Variants in CNTN5 observed in about 807,000 individuals in gnomAD.
The protein encoded by CNTN5 is contactin-5.
Under a neutral mutation model 129.1 loss-of-function variants are expected in CNTN5, and 77 were observed. The ratio of observed to expected loss-of-function variants is 0.60; its 90% CI spans 0.50 to 0.72. CNTN5 has a LOEUF of 0.72. CNTN5 is among the 30% of genes least tolerant of loss of function. CNTN5 has a pLI of 0.00. For missense variants in CNTN5, 1,478 were observed against 1,328.8 expected, an observed-to-expected ratio of 1.11 and a Z score of -1.75; for synonymous variants, 509 against 465.6, an observed-to-expected ratio of 1.09 and a Z score of -1.20.
intron 1 of CNTN5, among the ~76,000 whole-genome samples, chr11:99,061,096 G>A (rs1296503982): frequency 2.0e-5 from 3 of 151,696 alleles, no homozygotes; most frequent in Non-Finnish European, 4.4e-5. Flanking sequence ...TAAATTCTTT[G>A]GGAATTGTCC....
At chr11:99,693,760 G>A (rs1240088973) in intron 3 of CNTN5, among the ~76,000 whole-genome samples, 2 of 152,090 alleles carry the variant, frequency 1.3e-5, no homozygotes, top group South Asian at 2.1e-4. Flanking sequence ...ATAATGTGAC[G>A]TGTATGTTTT....
At chr11:99,711,556 C>T (rs564183127) in intron 3 of CNTN5, among the ~76,000 whole-genome samples, 2 of 151,860 alleles carry the variant, frequency 1.3e-5, no homozygotes, top group African/African-American at 4.8e-5. Flanking sequence ...TAGGTATACA[C>T]GTGTCATGGT....
At chr11:100,101,658 G>A (rs78651711) in intron 13 of CNTN5, among the ~76,000 whole-genome samples, 7,762 of 151,906 alleles carry the variant, frequency 0.051, 295 homozygotes, top group African/African-American at 0.11. Flanking sequence ...GGTGATTTCC[G>A]AGATTTTGGT....
intron 1 of CNTN5, among the ~76,000 whole-genome samples, chr11:99,152,510 T>C (rs926083169): frequency 1.3e-5 from 2 of 152,232 alleles, no homozygotes; most frequent in Non-Finnish European, 2.9e-5. Flanking sequence ...TTTTTCTCCA[T>C]CCCTTTACTT....
At chr11:99,638,586 G>A (rs1171389008) in intron 3 of CNTN5, among the ~76,000 whole-genome samples, 1 of 152,134 alleles carries the variant, frequency 6.6e-6, no homozygotes, top group Non-Finnish European at 1.5e-5. Flanking sequence ...ATACAATGGT[G>A]GTACAGGCAA....
At chr11:99,566,179 T>A (rs1156553307) in intron 3 of CNTN5, among the ~76,000 whole-genome samples, 2 of 152,094 alleles carry the variant, frequency 1.3e-5, no homozygotes, top group Admixed American at 1.3e-4. Flanking sequence ...ATGGGTGAGT[T>A]CTCACTCCGA....
At chr11:99,744,525 C>A in intron 3 of CNTN5, among the ~76,000 whole-genome samples, 1 of 117,568 alleles carries the variant, frequency 8.5e-6, no homozygotes. Context: ...ATAGCAAAAC[C>A]CCGTCTCTAC....
chr11:99,790,434 G>T (rs940195222), intron 3 of CNTN5, among the ~76,000 whole-genome samples: 2 of 151,924 alleles, frequency 1.3e-5, no homozygotes, highest in African/African-American at 4.8e-5. Context: ...TTGGTTTTCT[G>T]TTCCAGCATT....
chr11:99,541,777 C>T (rs1002797264), intron 2 of CNTN5, among the ~76,000 whole-genome samples: 5 of 151,606 alleles, frequency 3.3e-5, no homozygotes, highest in African/African-American at 1.2e-4. Flanking sequence ...AGTGAAATCT[C>T]GTCTCTATGG....
intron 2 of CNTN5, among the ~76,000 whole-genome samples, chr11:99,460,998 C>T (rs1368742694): frequency 1.3e-5 from 2 of 151,992 alleles, no homozygotes; most frequent in Non-Finnish European, 2.9e-5. Context: ...AGCTCATCAA[C>T]AGGTGAATGG....
intron 2 of CNTN5, among the ~76,000 whole-genome samples, chr11:99,459,823 A>G (rs2135228389): frequency 6.6e-6 from 1 of 152,126 alleles, no homozygotes; most frequent in South Asian, 2.1e-4. Context: ...AGAACTGGTA[A>G]CAAAAGGGCT....
chr11:99,769,499 T>A (rs1944870488), intron 3 of CNTN5, among the ~76,000 whole-genome samples: 1 of 152,168 alleles, frequency 6.6e-6, no homozygotes, highest in African/African-American at 2.4e-5. Context: ...CCATTTCCTG[T>A]AATGAGAATC....
intron 3 of CNTN5, among the ~76,000 whole-genome samples, chr11:99,807,627 G>C (rs544935914): frequency 1.3e-5 from 2 of 152,046 alleles, no homozygotes; most frequent in Non-Finnish European, 2.9e-5. Context: ...TAATTCTCCT[G>C]TCTCAGCCTC....
intron 6 of CNTN5, among the ~76,000 whole-genome samples, chr11:99,861,497 G>A (rs1008110114): frequency 1.3e-5 from 2 of 152,016 alleles, no homozygotes; most frequent in African/African-American, 4.8e-5. Flanking sequence ...ACTTTCATTT[G>A]AATTTTTTTT....
At chr11:99,118,063 AAT>A (rs57932210) in intron 1 of CNTN5, among the ~76,000 whole-genome samples, 1 of 152,038 alleles carries the variant, frequency 6.6e-6, no homozygotes, top group East Asian at 1.9e-4. Context: ...TATTTTAGGA[AAT>A]ATATATATAC....
At chr11:99,594,864 G>GATAGGACAC (rs1555041376) in intron 3 of CNTN5, among the ~76,000 whole-genome samples, 1 of 152,138 alleles carries the variant, frequency 6.6e-6, no homozygotes, top group Non-Finnish European at 1.5e-5. Context: ...GTTGATTTTT[G>GATAGGACAC]ATAGGACACA....
chr11:99,905,555 G>T (rs1331930643), intron 6 of CNTN5, among the ~76,000 whole-genome samples: 1 of 152,170 alleles, frequency 6.6e-6, no homozygotes, highest in Non-Finnish European at 1.5e-5. Flanking sequence ...TTGTAGTATA[G>T]TTTAAAGTAG....
Position 99,484,905 on chromosome 11 carries a change from T to C in CNTN5, c.-70-71240T>C, listed in dbSNP as rs1001177716. On this transcript the variant is annotated intron_variant, in intron 2 of 24. Coordinates refer to ENST00000524871, the MANE Select transcript of CNTN5 (RefSeq NM_014361.4). ...AAAGTAGAACAGAGGATACTAGAGA[T>C]TGGGAAGGGCCGGGGAGAGGGGAGC... 4.6e-5 allele frequency among the ~76,000 whole-genome samples: 7 copies of C among 152,092 alleles called. 1 individual carries two copies. Among genetic ancestry groups the C allele is most frequent in the Admixed American group, 1.3e-4 (2 of 15,282 alleles).
chr11:99,515,818 A>T (rs1273301958), intron 2 of CNTN5, among the ~76,000 whole-genome samples: 1 of 152,016 alleles, frequency 6.6e-6, no homozygotes, highest in Non-Finnish European at 1.5e-5. Flanking sequence ...GCTGATATAT[A>T]GTAAATATTC....
Sources: allele counts gnomAD v4.1 joint callset (sites outside exome capture counted in the v4.1 genomes callset), GRCh38; gene constraint gnomAD v4.1.1; transcripts MANE v1.5; gene names NCBI Gene and HGNC (gene_info 2026-07-23, HGNC 2026-07-21).